SPAG6: variants seen among roughly 807,000 people sequenced by gnomAD.
The protein encoded by SPAG6 is sperm associated antigen 6.
Under a neutral mutation model 58.5 loss-of-function variants are expected in SPAG6, and 49 were observed. The ratio of observed to expected loss-of-function variants is 0.84; its 90% CI spans 0.67 to 1.06. The LOEUF (loss-of-function observed/expected upper bound fraction) is 1.06. Among genes scored for constraint, SPAG6 ranks in the 50% least tolerant of loss-of-function variants. The pLI is 0.00. For missense variants in SPAG6, 560 were observed against 611.3 expected, an observed-to-expected ratio of 0.92 and a Z score of 0.89; for synonymous variants, 233 against 225.6, an observed-to-expected ratio of 1.03 and a Z score of -0.29.
intron 4 of SPAG6, among the ~76,000 whole-genome samples, chr10:22,371,443 G>A (rs1004942945): frequency 7.9e-5 from 12 of 152,016 alleles, no homozygotes; most frequent in South Asian, 2.1e-4. Flanking sequence ...TAGTAGAGAC[G>A]GGGTTTCACC....
intron 10 of SPAG6, chr10:22,412,326 CTG>C: frequency 1.7e-6 from 1 of 578,602 alleles, no homozygotes. Flanking sequence ...TGCAACATGT[CTG>C]TTAATTCTTC....
At chr10:22,413,028 C>T in intron 10 of SPAG6, 1 of 116,294 alleles carries the variant, frequency 8.6e-6, no homozygotes. Context: ...TTTAAGGTAA[C>T]TTTCAATGCA....
intron 9 of SPAG6, among the ~76,000 whole-genome samples, 163 bp from the exon 10 acceptor site, chr10:22,410,868 A>G (rs932283374): frequency 2.0e-5 from 3 of 152,228 alleles, no homozygotes; most frequent in African/African-American, 7.2e-5. Flanking sequence ...CATTCTAAAA[A>G]GCACATTTCA....
chr10:22,350,828 A>T lies in SPAG6; in HGVS notation c.121+5010A>T, dbSNP rs562558476. ...GCTATGCATAAATTCCATGCATAGC[A>T]TAATCAAAATTATTAAATAGGATGA... On this transcript the variant is annotated intron_variant, in intron 2 of 10. Coordinates refer to ENST00000376624, the MANE Select transcript of SPAG6 (RefSeq NM_012443.4). Among the ~76,000 whole-genome samples the T allele has an allele frequency of 5.3e-3, 798 of 151,650 alleles. 6 individuals are homozygous for T. The highest frequency in any genetic ancestry group is 8.8e-3 in the Admixed American group (134 of 15,262).
intron 2 of SPAG6, among the ~76,000 whole-genome samples, chr10:22,349,967 A>G (rs549950925): frequency 1.3e-4 from 20 of 152,272 alleles, no homozygotes; most frequent in Non-Finnish European, 2.5e-4. Context: ...AGCATTTATC[A>G]TGTATTTAAG....
At chr10:22,387,742 A>C in intron 5 of SPAG6, 81 bp from the exon 6 acceptor site, 1 of 1,359,884 alleles carries the variant, frequency 7.4e-7, no homozygotes, top group South Asian at 1.6e-5. Flanking sequence ...GAATATATAT[A>C]AAACTGTTTA....
chr10:22,351,598 A>G (rs78020023), intron 2 of SPAG6, among the ~76,000 whole-genome samples: 1,542 of 152,214 alleles, frequency 0.01, 26 homozygotes, highest in African/African-American at 0.034. Flanking sequence ...TATACTTAAC[A>G]TTTCTTGCTT....
In SPAG6 at chr10:22,386,891, A is replaced by G; in HGVS notation, c.610A>G (p.Thr204Ala). 1 of 1,613,822 alleles carries G rather than the reference A, an allele frequency of 6.2e-7. No homozygotes were observed. Among genetic ancestry groups the G allele is most frequent in the Non-Finnish European group, 8.5e-7 (1 of 1,179,770 alleles). Residue 204 changes from threonine to alanine, a missense_variant, in exon 5 of 11, where the codon ACA (threonine) becomes GCA (alanine). Thr to Ala is a moderately conservative substitution (Grantham distance 58, BLOSUM62 0). Coordinates refer to ENST00000376624, the MANE Select transcript of SPAG6 (RefSeq NM_012443.4). The part of the protein sequence containing the change: ...IAKHSPELAQ[T>A]VVDAGAVAHL... ...AAAGCATTCTCCAGAGTTAGCACAG[A>G]CAGTAGTGGATGCAGGAGCTGTTGC...
intron 4 of SPAG6, among the ~76,000 whole-genome samples, chr10:22,377,704 C>A (rs1833850232): frequency 6.6e-6 from 1 of 152,216 alleles, no homozygotes; most frequent in South Asian, 2.1e-4. Context: ...TGACCAGGGA[C>A]CACGTTTATA....
At chr10:22,359,015 T>G (rs1057143917) in intron 2 of SPAG6, among the ~76,000 whole-genome samples, 2 of 152,216 alleles carry the variant, frequency 1.3e-5, no homozygotes, top group African/African-American at 4.8e-5. Flanking sequence ...GAGTCCAGAT[T>G]TGAACCCAAT....
intron 3 of SPAG6, among the ~76,000 whole-genome samples, chr10:22,365,693 C>T (rs1588643350): frequency 1.3e-5 from 2 of 152,212 alleles, no homozygotes; most frequent in South Asian, 4.1e-4. Context: ...CTTGACATAT[C>T]TTTGGGATTA....
chr10:22,364,535 T>C (rs1837138855), intron 2 of SPAG6, among the ~76,000 whole-genome samples: 1 of 152,210 alleles, frequency 6.6e-6, no homozygotes, highest in Non-Finnish European at 1.5e-5. Context: ...CATCATAGCA[T>C]ACTCTACAAC....
At chr10:22,415,313 A>C (rs1199249482) in intron 10 of SPAG6, among the ~76,000 whole-genome samples, 7 of 151,578 alleles carry the variant, frequency 4.6e-5, no homozygotes, top group Non-Finnish European at 1.0e-4. Flanking sequence ...AAAAGGTTAA[A>C]ATTTTAAAGA....
At chr10:22,388,109 A>G in intron 6 of SPAG6, 113 bp downstream of exon 6, 1 of 836,460 alleles carries the variant, frequency 1.2e-6, no homozygotes, top group Non-Finnish European at 1.8e-6. Flanking sequence ...TAGTTGAGTC[A>G]GGATTTCTCG....
intron 4 of SPAG6, among the ~76,000 whole-genome samples, chr10:22,375,216 G>C (rs937236334): frequency 6.6e-6 from 1 of 152,152 alleles, no homozygotes; most frequent in African/African-American, 2.4e-5. Context: ...TTGATATTGG[G>C]GGGAGGAGCC....
chr10:22,398,493 A>G (rs1353902948), intron 8 of SPAG6, among the ~76,000 whole-genome samples: 2 of 152,252 alleles, frequency 1.3e-5, no homozygotes, highest in African/African-American at 4.8e-5. Context: ...TTGGAGGACA[A>G]GGCAAGAGGA....
chr10:22,357,298 T>A (rs1214266880), intron 2 of SPAG6, among the ~76,000 whole-genome samples: 1 of 152,180 alleles, frequency 6.6e-6, no homozygotes, highest in African/African-American at 2.4e-5. Context: ...GTGGCATACA[T>A]CATAGCATGT....
In SPAG6 at chr10:22,386,878, A is replaced by G. The variant is rs755238366; in HGVS notation, c.597A>G (p.Pro199=). Residue 199 remains proline, a synonymous_variant, in exon 5 of 11, where the codon CCA becomes CCG. Coordinates refer to ENST00000376624, the MANE Select transcript of SPAG6 (RefSeq NM_012443.4). The stretch of plus-strand genomic sequence containing the variant: ...TCAGTGATATTGCAAAGCATTCTCC[A>G]GAGTTAGCACAGACAGTAGTGGATG... ...SALSDIAKHS[P]ELAQTVVDAG... is the part of the protein sequence containing the mutation. 5.0e-6 allele frequency: 8 copies of G among 1,613,912 alleles called. No individual in the cohort carries two copies. The highest frequency in any genetic ancestry group is 1.7e-5 in the Admixed American group (1 of 59,986).
At chr10:22,351,698 T>G (rs1454506462) in intron 2 of SPAG6, among the ~76,000 whole-genome samples, 3 of 152,172 alleles carry the variant, frequency 2.0e-5, no homozygotes, top group Non-Finnish European at 4.4e-5. Context: ...TTAGGAGAAA[T>G]TCAGGGCTAC....
Sources: allele counts gnomAD v4.1 joint callset (sites outside exome capture counted in the v4.1 genomes callset), GRCh38; gene constraint gnomAD v4.1.1; transcripts MANE v1.5; gene names NCBI Gene and HGNC (gene_info 2026-07-23, HGNC 2026-07-21).